The following AAGAB variants were observed in gnomAD, a reference collection of about 807,000 sequenced individuals.
The protein encoded by AAGAB is alpha- and gamma-adaptin-binding protein p34.
In AAGAB, 38 loss-of-function variants were observed where a neutral mutation model predicts 44.1. The ratio of observed to expected loss-of-function variants is 0.86; its 90% CI spans 0.67 to 1.13. The LOEUF is 1.13. Ranked by LOEUF, AAGAB falls within the 50% of genes most tolerant of loss-of-function variation. The pLI, the probability that AAGAB is intolerant of heterozygous loss-of-function variation, is 0.00. For missense variants in AAGAB, 450 were observed against 373.8 expected, an observed-to-expected ratio of 1.20 and a Z score of -1.68; for synonymous variants, 131 against 131.8, an observed-to-expected ratio of 0.99 and a Z score of 0.04.
intron 7 of AAGAB, among the ~76,000 whole-genome samples, chr15:67,206,735 C>T (rs1050194206): frequency 3.9e-5 from 6 of 152,162 alleles, no homozygotes; most frequent in Non-Finnish European, 8.8e-5. Flanking sequence ...TCCCTATGCC[C>T]TTTCAACATG....
In AAGAB at chr15:67,210,868, C is replaced by T. The variant is rs534114235; in HGVS notation, c.536-1324G>A. 2.6e-5 allele frequency among the ~76,000 whole-genome samples: 4 copies of T among 152,250 alleles called. No homozygotes were observed. In the East Asian group the frequency reaches 7.7e-4, roughly 29 times the overall value. ...TTAGAGTAGAACATGAGACTGTAAC[C>T]CAAGAGTAACAGTACAGAAGTCAAA... On this transcript the variant is annotated intron_variant, in intron 5 of 9. Transcript: ENST00000261880.
At chr15:67,212,904 C>G (rs764546311) in intron 5 of AAGAB, among the ~76,000 whole-genome samples, 4 of 152,180 alleles carry the variant, frequency 2.6e-5, no homozygotes, top group Non-Finnish European at 5.9e-5. Flanking sequence ...CTAGATTTTT[C>G]TCCCCAGGAT....
chr15:67,216,670 C>T (rs1377923929), intron 5 of AAGAB, among the ~76,000 whole-genome samples: 1 of 151,114 alleles, frequency 6.6e-6, no homozygotes, highest in Non-Finnish European at 1.5e-5. Flanking sequence ...TTGTAAAGTC[C>T]TATCTCCAGA....
intron 5 of AAGAB, among the ~76,000 whole-genome samples, chr15:67,218,508 G>C (rs1462644191): frequency 6.6e-6 from 1 of 152,066 alleles, no homozygotes; most frequent in African/African-American, 2.4e-5. Flanking sequence ...TCTTTTCCTT[G>C]CCCTTAAAAC....
At chr15:67,251,390 C>T (rs1288498357) in intron 1 of AAGAB, among the ~76,000 whole-genome samples, 2 of 152,114 alleles carry the variant, frequency 1.3e-5, no homozygotes, top group African/African-American at 4.8e-5. Flanking sequence ...ACGAAAGGCA[C>T]ATACCACTAT....
At chr15:67,217,156 G>A (rs1963970681) in intron 5 of AAGAB, among the ~76,000 whole-genome samples, 1 of 151,956 alleles carries the variant, frequency 6.6e-6, no homozygotes, top group Admixed American at 6.5e-5. Flanking sequence ...CCATTTTTTT[G>A]GCTCTACAAT....
At chr15:67,244,740 G>T (rs1296151432) in intron 1 of AAGAB, among the ~76,000 whole-genome samples, 1 of 151,416 alleles carries the variant, frequency 6.6e-6, no homozygotes, top group Non-Finnish European at 1.5e-5. Context: ...AGAGGCGGAG[G>T]CTGCAGTGAG....
At chr15:67,215,271 T>A (rs1045573695) in intron 5 of AAGAB, among the ~76,000 whole-genome samples, 9 of 152,200 alleles carry the variant, frequency 5.9e-5, no homozygotes, top group African/African-American at 2.2e-4. Context: ...GCCTCCAGCA[T>A]AGTGCTAAGT....
At chr15:67,236,604 A>G in intron 2 of AAGAB, 26 bp downstream of exon 2, 1 of 1,607,070 alleles carries the variant, frequency 6.2e-7, no homozygotes, top group Non-Finnish European at 8.5e-7. Flanking sequence ...TTCTTATTCA[A>G]GCCTTCATAG....
chr15:67,216,551 T>C (rs1490863631), intron 5 of AAGAB, among the ~76,000 whole-genome samples: 2 of 149,848 alleles, frequency 1.3e-5, no homozygotes, highest in African/African-American at 2.4e-5. Flanking sequence ...TTTTTCCCTA[T>C]GCACACATAC....
intron 5 of AAGAB, among the ~76,000 whole-genome samples, chr15:67,225,409 T>C (rs531673491): frequency 6.6e-6 from 1 of 152,326 alleles, no homozygotes; most frequent in East Asian, 1.9e-4. Context: ...TTTATTGAGA[T>C]TTAATTTACA....
intron 5 of AAGAB, among the ~76,000 whole-genome samples, chr15:67,210,082 T>C (rs1460704618): frequency 1.3e-5 from 2 of 152,194 alleles, no homozygotes; most frequent in African/African-American, 4.8e-5. Flanking sequence ...TTTGCAAAGA[T>C]TAACAGCACT....
At chr15:67,246,886 G>C (rs903282926) in intron 1 of AAGAB, among the ~76,000 whole-genome samples, 8 of 152,206 alleles carry the variant, frequency 5.3e-5, no homozygotes, top group African/African-American at 1.9e-4. Context: ...CCAAATAAGG[G>C]AATAAAAGCT....
chr15:67,209,477 A>G lies in AAGAB; in HGVS notation c.603T>C (p.Asp201=), dbSNP rs1963760182. The G allele has an allele frequency of 1.9e-6, 3 of 1,614,134 alleles. No homozygotes were observed. Among genetic ancestry groups the G allele is most frequent in the Non-Finnish European group, 2.5e-6 (3 of 1,179,956 alleles). The change falls in exon 6 of 10, where the codon GAT becomes GAC. Residue 201 remains aspartate (D), a synonymous_variant. Coordinates refer to ENST00000261880, the MANE Select transcript of AAGAB (RefSeq NM_024666.5). The part of the protein sequence containing the change: ...TGTNHSIGSA[D]PCHPEQPHLP... ...AAACCTTTACCTCTGGGTGACAGGGATCTGCTGACCCAATGCTATGGTTTG... is the reference window on the plus strand; with the variant it reads ...AAACCTTTACCTCTGGGTGACAGGGGTCTGCTGACCCAATGCTATGGTTTG...
At chr15:67,245,248 A>G (rs1964693396) in intron 1 of AAGAB, among the ~76,000 whole-genome samples, 1 of 152,266 alleles carries the variant, frequency 6.6e-6, no homozygotes. Flanking sequence ...CAAAAAGTGG[A>G]AACAATCCAA....
chr15:67,231,952 A>G, intron 4 of AAGAB, 55 bp from the exon 5 acceptor site: 1 of 1,457,020 alleles, frequency 6.9e-7, no homozygotes, highest in Non-Finnish European at 9.6e-7. Context: ...ACAGATATAC[A>G]TATACATTCA....
intron 8 of AAGAB, 147 bp downstream of exon 8, chr15:67,203,897 T>TA (rs1963625535): frequency 4.9e-6 from 3 of 617,140 alleles, no homozygotes; most frequent in East Asian, 5.7e-5. Context: ...TTTTTTTTTT[T>TA]ACCAAGTCCC....
At chr15:67,235,171 T>C (rs1157410412) in intron 4 of AAGAB, among the ~76,000 whole-genome samples, 2 of 152,200 alleles carry the variant, frequency 1.3e-5, no homozygotes, top group Non-Finnish European at 2.9e-5. Flanking sequence ...TTCTTCCCCA[T>C]GGAGCAGCTG....
intron 5 of AAGAB, among the ~76,000 whole-genome samples, chr15:67,217,549 A>G (rs1963978830): frequency 6.6e-6 from 1 of 151,860 alleles, no homozygotes; most frequent in South Asian, 2.1e-4. Flanking sequence ...TTCTTTTTTT[A>G]TTTTTTTGAA....
Sources: allele counts gnomAD v4.1 joint callset (sites outside exome capture counted in the v4.1 genomes callset), GRCh38; gene constraint gnomAD v4.1.1; transcripts MANE v1.5; gene names NCBI Gene and HGNC (gene_info 2026-07-23, HGNC 2026-07-21).